RSRC1: variants seen among roughly 807,000 people sequenced by gnomAD.
The protein encoded by RSRC1 is serine/Arginine-related protein 53.
In RSRC1, 39 loss-of-function variants were observed where a neutral mutation model predicts 49.1. The observed-to-expected ratio is 0.79, with a 90% CI of 0.61 to 1.04. The LOEUF is 1.04. Ranked by LOEUF, RSRC1 falls within the 50% of genes least tolerant of loss-of-function variation. The probability of loss-of-function intolerance (pLI) is 0.00; values close to 1 mark genes in which losing one functional copy is unlikely to be tolerated. For synonymous variants in RSRC1, 143 were observed against 130.8 expected (o/e 1.09, Z -0.63); for missense variants, 388 against 402.4 (o/e 0.96, Z 0.31).
intron 4 of RSRC1, among the ~76,000 whole-genome samples, chr3:158,252,424 C>A (rs1031222808): frequency 6.6e-6 from 1 of 152,142 alleles, no homozygotes; most frequent in African/African-American, 2.4e-5. Context: ...CTCAGCCTCC[C>A]AAAGTGCTGG....
At chr3:158,379,955 A>G (rs760449644) in intron 6 of RSRC1, among the ~76,000 whole-genome samples, 2 of 151,660 alleles carry the variant, frequency 1.3e-5, no homozygotes. Flanking sequence ...AAGCTATATC[A>G]GGGTAAGGAT....
At chr3:158,536,023 C>T (rs1277552006) in intron 7 of RSRC1, among the ~76,000 whole-genome samples, 1 of 151,334 alleles carries the variant, frequency 6.6e-6, no homozygotes, top group Admixed American at 6.6e-5. Flanking sequence ...AAGCAACAAA[C>T]AATGTTGCTA....
chr3:158,518,118 G>A (rs1245437285), intron 7 of RSRC1, among the ~76,000 whole-genome samples: 3,788 of 74,814 alleles, frequency 0.051, 264 homozygotes, highest in African/African-American at 0.15. Flanking sequence ...GTGTGTGTGT[G>A]TGTGTGTGTA....
At chr3:158,395,564 G>T (rs1733567854) in intron 6 of RSRC1, among the ~76,000 whole-genome samples, 2 of 151,938 alleles carry the variant, frequency 1.3e-5, no homozygotes, top group Admixed American at 6.6e-5. Context: ...CACCCAACAA[G>T]TACACAAAAA....
intron 6 of RSRC1, among the ~76,000 whole-genome samples, chr3:158,426,458 A>T (rs1279431105): frequency 1.3e-5 from 2 of 151,536 alleles, no homozygotes; most frequent in South Asian, 2.1e-4. Flanking sequence ...AAGGAGATAC[A>T]CAGCCTCTTT....
chr3:158,478,645 C>T (rs1738483754), intron 7 of RSRC1, among the ~76,000 whole-genome samples: 1 of 151,902 alleles, frequency 6.6e-6, no homozygotes, highest in African/African-American at 2.4e-5. Flanking sequence ...CTTTTATAAC[C>T]TCCCCCTCCC....
At chr3:158,489,588 A>G (rs1224867048) in intron 7 of RSRC1, among the ~76,000 whole-genome samples, 2 of 152,100 alleles carry the variant, frequency 1.3e-5, no homozygotes, top group African/African-American at 4.8e-5. Context: ...TATTTTATGT[A>G]AAACAAACCA....
At position 158,226,439 on chromosome 3, in the gene RSRC1, C is replaced by T. The variant is rs140868356; in HGVS notation, c.494+23194C>T. Among the ~76,000 whole-genome samples, 387 of 151,930 alleles carry T rather than the reference C, an allele frequency of 2.5e-3. 3 individuals carry two copies. Among genetic ancestry groups the T allele is most frequent in the African/African-American group, 8.8e-3 (367 of 41,474 alleles). On this transcript the variant is annotated intron_variant, in intron 4 of 9. Coordinates refer to ENST00000611884, the MANE Select transcript of RSRC1 (RefSeq NM_001271838.2). The stretch of plus-strand genomic sequence containing the variant: ...AGCATAATAAATTGCCATTTTTATC[C>T]CTTTACATTAGAGTCTTTCCATCTT...
intron 6 of RSRC1, among the ~76,000 whole-genome samples, chr3:158,369,410 A>G (rs1731948657): frequency 6.6e-6 from 1 of 152,036 alleles, no homozygotes; most frequent in Non-Finnish European, 1.5e-5. Flanking sequence ...GATCTAGTAA[A>G]TCATTGCTCA....
intron 3 of RSRC1, among the ~76,000 whole-genome samples, chr3:158,195,819 A>G (rs928627999): frequency 1.9e-4 from 29 of 151,966 alleles, no homozygotes; most frequent in African/African-American, 6.3e-4. Context: ...GATATGTGGC[A>G]TTATTTCTGA....
chr3:158,333,591 A>G (rs1729688464), intron 5 of RSRC1, among the ~76,000 whole-genome samples: 1 of 152,220 alleles, frequency 6.6e-6, no homozygotes, highest in Non-Finnish European at 1.5e-5. Context: ...GACAAAACAT[A>G]TTGTAAAAAG....
At chr3:158,271,135 A>AC (rs1553777471) in intron 4 of RSRC1, among the ~76,000 whole-genome samples, 3 of 151,764 alleles carry the variant, frequency 2.0e-5, no homozygotes, top group African/African-American at 7.3e-5. Context: ...AAATACACTA[A>AC]TTTTTTTGAA....
At chr3:158,381,095 CTA>C (rs1431140930) in intron 6 of RSRC1, among the ~76,000 whole-genome samples, 1 of 152,030 alleles carries the variant, frequency 6.6e-6, no homozygotes, top group Non-Finnish European at 1.5e-5. Flanking sequence ...AGATACTAGT[CTA>C]TGTTATTTAC....
chr3:158,491,619 GTTAAA>G (rs541210045), intron 7 of RSRC1, among the ~76,000 whole-genome samples: 158 of 152,240 alleles, frequency 1.0e-3, no homozygotes, highest in Non-Finnish European at 2.1e-3. Flanking sequence ...GAAAATTTTA[GTTAAA>G]TTAAGTTAGC....
chr3:158,133,812 G>C (rs1182805426), intron 3 of RSRC1, among the ~76,000 whole-genome samples: 1 of 152,140 alleles, frequency 6.6e-6, no homozygotes, highest in Non-Finnish European at 1.5e-5. Flanking sequence ...GAATAGAATG[G>C]AATACTTATG....
intron 5 of RSRC1, among the ~76,000 whole-genome samples, chr3:158,346,231 G>C (rs987233608): frequency 6.6e-6 from 1 of 152,092 alleles, no homozygotes; most frequent in Non-Finnish European, 1.5e-5. Context: ...CAGATCCCTA[G>C]AGCCCAGGAG....
At chr3:158,391,939 A>T (rs1733328535) in intron 6 of RSRC1, among the ~76,000 whole-genome samples, 1 of 152,094 alleles carries the variant, frequency 6.6e-6, no homozygotes, top group Non-Finnish European at 1.5e-5. Context: ...AGCTAGAGTG[A>T]AATAAGCCTT....
intron 3 of RSRC1, among the ~76,000 whole-genome samples, chr3:158,130,260 A>G (rs906575831): frequency 4.6e-5 from 7 of 152,190 alleles, no homozygotes; most frequent in Non-Finnish European, 7.3e-5. Flanking sequence ...ACCTCCCACC[A>G]GACCCATCTT....
intron 4 of RSRC1, among the ~76,000 whole-genome samples, chr3:158,286,796 C>G (rs115698805): frequency 8.5e-5 from 13 of 152,244 alleles, no homozygotes; most frequent in African/African-American, 3.1e-4. Flanking sequence ...CTTGGATAAT[C>G]AATTTCTGAG....
Sources: allele counts gnomAD v4.1 joint callset (sites outside exome capture counted in the v4.1 genomes callset), GRCh38; gene constraint gnomAD v4.1.1; transcripts MANE v1.5; gene names NCBI Gene and HGNC (gene_info 2026-07-23, HGNC 2026-07-21).